The following BACE2 variants were observed in gnomAD, a reference collection of about 807,000 sequenced individuals.
BACE2 encodes beta-secretase 2.
A neutral mutation model predicts 46.2 loss-of-function variants in BACE2; 17 were observed. The ratio of observed to expected loss-of-function variants is 0.37; its 90% confidence interval spans 0.25 to 0.55. The LOEUF (loss-of-function observed/expected upper bound fraction) is 0.55. Ranked by LOEUF, BACE2 falls within the 20% of genes least tolerant of loss-of-function variation. BACE2 has a pLI of 0.82. For missense variants in BACE2, 595 were observed against 698.1 expected (o/e 0.85, Z 1.66); for synonymous variants, 277 against 295.9 (o/e 0.94, Z 0.66).
intron 1 of BACE2, among the ~76,000 whole-genome samples, chr21:41,205,221 T>C (rs976099663): frequency 1.3e-5 from 2 of 152,248 alleles, no homozygotes; most frequent in African/African-American, 4.8e-5. Flanking sequence ...AGATTATCAG[T>C]CATTATCATT....
chr21:41,168,341 C>T lies in BACE2; in HGVS notation c.78C>T (p.Pro26=). 2 of 1,372,740 alleles carry T rather than the reference C, an allele frequency of 1.5e-6. No individual in the cohort carries two copies. Among genetic ancestry groups the T allele is most frequent in the Non-Finnish European group, 1.9e-6 (2 of 1,060,058 alleles). 85.0% of individuals were successfully genotyped at this position (1,372,740 alleles called of 1,614,324 possible). A position where few individuals can be genotyped will look rare whatever the true frequency, so the allele number is the denominator to read the frequency against. The part of the protein sequence containing the change: ...WLLRAAPELA[P]APFTLPLRVA... ...TGCGCGCCGCCCCGGAGCTGGCCCC[C>T]GCGCCCTTCACGCTGCCCCTCCGGG... The change falls in exon 1 of 9, where the codon CCC becomes CCT. Residue 26 remains proline (P), a synonymous_variant. Coordinates refer to ENST00000330333, the MANE Select transcript of BACE2 (RefSeq NM_012105.5).
At chr21:41,182,208 C>T (rs551268858) in intron 1 of BACE2, 2 of 167,224 alleles carry the variant, frequency 1.2e-5, no homozygotes, top group Middle Eastern at 6.8e-3. Context: ...CAAAGCTTTA[C>T]TGATATTGGT....
chr21:41,231,255 G>A lies in BACE2; in HGVS notation c.401+4901G>A, dbSNP rs116850993. 2.8e-4 allele frequency among the ~76,000 whole-genome samples: 42 copies of A among 152,322 alleles called. No individual in the cohort carries two copies. The East Asian group carries it at 6.7e-3, about 24-fold the overall frequency. On this transcript the variant is annotated intron_variant, in intron 2 of 8. Transcript: ENST00000330333. ...ACGTTATTGAGGATGTTGATGAACC[G>A]CCAGGCTGGGCAGGCTGAGCTGACC...
chr21:41,198,367 C>T (rs1351891954), intron 1 of BACE2, among the ~76,000 whole-genome samples: 5 of 152,178 alleles, frequency 3.3e-5, no homozygotes, highest in Admixed American at 6.5e-5. Flanking sequence ...ATTCTGAAGC[C>T]TTGCGGGGAA....
intron 4 of BACE2, among the ~76,000 whole-genome samples, chr21:41,243,086 G>T (rs1227545346): frequency 6.6e-6 from 1 of 151,974 alleles, no homozygotes; most frequent in Non-Finnish European, 1.5e-5. Context: ...GCTAATTTTT[G>T]TATTTTTAGT....
chr21:41,245,963 A>T lies in BACE2; in HGVS notation c.884A>T (p.Tyr295Phe). ...GQSLNLDCRE[Y>F]NADKAIVDSG... ...TTTCCCTTTCTCTCCCGGTTCAAGT[A>T]TAACGCAGACAAGGCCATCGTGGAC... The change falls in exon 6 of 9, where the codon TAT (tyrosine) becomes TTT (phenylalanine). Residue 295 changes from tyrosine to phenylalanine, a missense_variant and splice_region_variant. By Grantham distance (22) the Tyr-to-Phe change is conservative (BLOSUM62 3). Around this residue, in one of 3 missense-constraint regions of BACE2, gnomAD observed 343 missense variants for 419.4 expected, o/e 0.82. Coordinates refer to ENST00000330333, the MANE Select transcript of BACE2 (RefSeq NM_012105.5). The T allele has an allele frequency of 6.2e-7, 1 of 1,607,174 alleles. No individual in the cohort carries two copies. The highest frequency in any genetic ancestry group is 8.5e-7 in the Non-Finnish European group (1 of 1,176,600).
intron 8 of BACE2, 21 bp downstream of exon 8, chr21:41,257,347 A>G: frequency 6.2e-7 from 1 of 1,610,222 alleles, no homozygotes; most frequent in Non-Finnish European, 8.5e-7. Flanking sequence ...CTGGCATCGA[A>G]CAGGGATCCC....
chr21:41,237,197 T>C (rs879316306), intron 2 of BACE2, among the ~76,000 whole-genome samples: 34 of 152,120 alleles, frequency 2.2e-4, no homozygotes, highest in Non-Finnish European at 4.4e-4. Flanking sequence ...CCTGTAATCC[T>C]AGCACTTTGG....
In BACE2 at chr21:41,179,362, G is replaced by A. The variant is rs1302646829; in HGVS notation, c.312+10787G>A. On this transcript the variant is annotated intron_variant, in intron 1 of 8. Coordinates refer to ENST00000330333, the MANE Select transcript of BACE2 (RefSeq NM_012105.5). ...GAGGGTATCCAGGGTGAGTGAGGGT[G>A]TCCAGGGTGAGGAGTGAGGGTATCC... The A allele has an allele frequency of 5.3e-6, 7 of 1,321,872 alleles. No homozygotes were observed. The South Asian group carries it at 7.3e-5, about 14-fold the overall frequency. 81.9% of individuals were successfully genotyped at this position (1,321,872 alleles called of 1,614,324 possible). A position where few individuals can be genotyped will look rare whatever the true frequency, so the allele number is the denominator to read the frequency against.
At chr21:41,191,951 C>G (rs551596031) in intron 1 of BACE2, among the ~76,000 whole-genome samples, 9 of 149,754 alleles carry the variant, frequency 6.0e-5, no homozygotes, top group African/African-American at 2.3e-4. Context: ...CACCAATTTT[C>G]CAATCATGCT....
At chr21:41,246,383 T>C (rs1987473394) in intron 6 of BACE2, 1 of 164,530 alleles carries the variant, frequency 6.1e-6, no homozygotes, top group South Asian at 2.0e-4. Flanking sequence ...TGCCCTCTAG[T>C]ATTTCAAATA....
intron 8 of BACE2, among the ~76,000 whole-genome samples, chr21:41,263,660 T>C (rs937898146): frequency 1.2e-4 from 18 of 152,242 alleles, no homozygotes; most frequent in African/African-American, 3.9e-4. Flanking sequence ...TTCATTGTCC[T>C]CTGGCTGTGA....
intron 1 of BACE2, chr21:41,178,989 G>T: frequency 1.2e-6 from 1 of 815,320 alleles, no homozygotes; most frequent in Non-Finnish European, 1.7e-6. Context: ...TTTGAGATGA[G>T]ATTGGCTTGA....
chr21:41,169,821 G>T (rs1242739858), intron 1 of BACE2, among the ~76,000 whole-genome samples: 3 of 152,184 alleles, frequency 2.0e-5, no homozygotes, highest in Admixed American at 1.3e-4. Context: ...TAAGTCATGG[G>T]AAGCCACGTG....
intron 1 of BACE2, among the ~76,000 whole-genome samples, chr21:41,215,220 G>A (rs1397503668): frequency 6.6e-6 from 1 of 152,220 alleles, no homozygotes; most frequent in Admixed American, 6.5e-5. Flanking sequence ...CGCAAAGGGG[G>A]AAGGAACAGT....
intron 5 of BACE2, among the ~76,000 whole-genome samples, chr21:41,245,630 C>T (rs1399746299): frequency 2.0e-5 from 3 of 152,230 alleles, no homozygotes; most frequent in African/African-American, 7.2e-5. Context: ...TTCCCTCTGC[C>T]CTGGGGCAGG....
intron 1 of BACE2, among the ~76,000 whole-genome samples, chr21:41,211,147 C>T (rs964604220): frequency 5.9e-5 from 9 of 152,016 alleles, no homozygotes; most frequent in African/African-American, 1.9e-4. Context: ...ATCAGGCAGC[C>T]AAGCCCATCC....
chr21:41,202,380 A>G (rs1985992312), intron 1 of BACE2, among the ~76,000 whole-genome samples: 1 of 152,208 alleles, frequency 6.6e-6, no homozygotes, highest in Admixed American at 6.5e-5. Flanking sequence ...GAGGGATGCC[A>G]TGGGTCCTAG....
chr21:41,249,543 T>C (rs1987578813), intron 6 of BACE2, among the ~76,000 whole-genome samples: 1 of 152,174 alleles, frequency 6.6e-6, no homozygotes, highest in South Asian at 2.1e-4. Context: ...TCATCTCCCA[T>C]TCTTGTCTGT....
Sources: allele counts gnomAD v4.1 joint callset (sites outside exome capture counted in the v4.1 genomes callset), GRCh38; gene constraint gnomAD v4.1.1; regional missense constraint gnomAD v4.1.1; transcripts MANE v1.5; gene names NCBI Gene and HGNC (gene_info 2026-07-23, HGNC 2026-07-21).